Variants in HSPA8 observed in about 807,000 individuals in gnomAD.
HSPA8 encodes the protein heat shock cognate 71 kDa protein.
HSPA8 carries 2 observed loss-of-function variants against 52.8 expected under a neutral mutation model. The ratio of observed to expected loss-of-function variants is 0.04; its 90% CI spans 0.02 to 0.12. The LOEUF (loss-of-function observed/expected upper bound fraction) is 0.12, where lower values mean the gene tolerates loss of function less well. Ranked by LOEUF, HSPA8 falls within the 10% of genes least tolerant of loss-of-function variation. The probability of loss-of-function intolerance (pLI) is 1.00; values close to 1 mark genes in which losing one functional copy is unlikely to be tolerated. For missense variants in HSPA8, 349 were observed against 800.5 expected, an observed-to-expected ratio of 0.44 and a Z score of 6.81; for synonymous variants, 436 against 274.0, an observed-to-expected ratio of 1.59 and a Z score of -5.84.
chr11:123,058,009 C>T (rs561863071), intron 8 of HSPA8, 90 bp from the exon 9 acceptor site: 147 of 1,081,092 alleles, frequency 1.4e-4, no homozygotes, highest in South Asian at 1.3e-3. Context: ...AAAAGTCTGG[C>T]GCAAACTCTT....
chr11:123,061,711 A>G (rs1865509779), intron 1 of HSPA8: 1 of 270,582 alleles, frequency 3.7e-6, no homozygotes, highest in East Asian at 9.4e-5. Context: ...AGCTCTGAAG[A>G]ACCACGGTGG....
rs1181421123 is a variant in HSPA8, at chr11:123,060,282, A to C, written c.412-14T>G. 6.2e-7 allele frequency: 1 copy of C among 1,611,574 alleles called. No homozygotes were observed. Among genetic ancestry groups the C allele is most frequent in the Non-Finnish European group, 8.5e-7 (1 of 1,179,136 alleles). On this transcript the variant is annotated splice_polypyrimidine_tract_variant and intron_variant, in intron 3 of 8. Transcript: ENST00000534624. ...ATTGGTAACAGTCTAGGAATAAGGA[A>C]AAGACCACAGATTGGTAACTATTAT...
chr11:123,058,610 C>G lies in HSPA8; in HGVS notation c.1522+22G>C, dbSNP rs759731819. ...TGAAATACCATTATCCCTGTCAAGA[C>G]CAGATGACAGTGCCTCCTTACCCTT... On this transcript the variant is annotated intron_variant, in intron 7 of 8. Transcript: ENST00000534624. The G allele has an allele frequency of 6.9e-6, 11 of 1,598,526 alleles. No homozygotes were observed. The Admixed American group carries it at 1.7e-4, about 24-fold the overall frequency.
chr11:123,060,522 C>T, intron 3 of HSPA8, 71 bp downstream of exon 3: 1 of 1,199,536 alleles, frequency 8.3e-7, no homozygotes, highest in Non-Finnish European at 1.2e-6. Context: ...TCGCCAGGTG[C>T]CAGTGCCCCC....
At position 123,059,342 on chromosome 11, in the gene HSPA8, G is replaced by C. The variant is rs557485555; in HGVS notation, c.1121-81C>G. 2.4e-5 allele frequency: 34 copies of C among 1,389,322 alleles called. No individual in the cohort carries two copies. In the South Asian group the frequency reaches 3.6e-4, roughly 15 times the overall value. The allele number at this position is 1,389,322 out of a possible 1,614,324, so 86.1% of individuals were successfully genotyped here. A position where few individuals can be genotyped will look rare whatever the true frequency, so the allele number is the denominator to read the frequency against. On this transcript the variant is annotated intron_variant, in intron 5 of 8. Coordinates refer to ENST00000534624, the MANE Select transcript of HSPA8 (RefSeq NM_006597.6). ...TCCTGTTTTAACTATCACTCGCTCAGACATCCAAGGAAGGTGTTGCCATCA... is the reference window on the plus strand; with the variant it reads ...TCCTGTTTTAACTATCACTCGCTCACACATCCAAGGAAGGTGTTGCCATCA...
At chr11:123,061,772 C>G (rs946950258) in intron 1 of HSPA8, 4 of 165,768 alleles carry the variant, frequency 2.4e-5, no homozygotes, top group African/African-American at 9.6e-5. Flanking sequence ...CTCCACTTCC[C>G]CGCGCGCCAG....
upstream of HSPA8, chr11:123,062,422 A>G (rs1176109084): frequency 6.6e-6 from 1 of 152,300 alleles, no homozygotes; most frequent in Non-Finnish European, 1.5e-5. Flanking sequence ...GGGCGCAGCG[A>G]GTCCGCGCGC....
At chr11:123,058,929 G>A in intron 6 of HSPA8, 99 bp from the exon 7 acceptor site, 4 of 1,396,206 alleles carry the variant, frequency 2.9e-6, no homozygotes, top group Non-Finnish European at 3.0e-6. Flanking sequence ...ATCCAAGGAA[G>A]GAACTGGCCA....
At position 123,061,414 on chromosome 11, in the gene HSPA8, AC is replaced by A; in HGVS notation, c.-5-86del. On this transcript the variant is annotated intron_variant, in intron 1 of 8. Transcript: ENST00000534624. ...TTAACAGAACACTTAACCAGGAAAAACGTATGGCCACTGCCAAGAGGTAATA... is the reference window on the plus strand; with the variant it reads ...TTAACAGAACACTTAACCAGGAAAAAGTATGGCCACTGCCAAGAGGTAATA... 3 of 1,032,202 alleles carry A rather than the reference AC, an allele frequency of 2.9e-6. No individual in the cohort carries two copies. In the South Asian group the frequency reaches 4.2e-5, roughly 14 times the overall value. 63.9% of individuals were successfully genotyped at this position (1,032,202 alleles called of 1,614,324 possible). A position where few individuals can be genotyped will look rare whatever the true frequency, so the allele number is the denominator to read the frequency against.
At chr11:123,061,538 G>A (rs186854134) in intron 1 of HSPA8, 47 of 591,310 alleles carry the variant, frequency 7.9e-5, no homozygotes, top group Admixed American at 2.4e-4. Context: ...CCTAGATGAA[G>A]GACCCATCTA....
intron 2 of HSPA8, 85 bp downstream of exon 2, chr11:123,061,034 CA>C (rs1865483756): frequency 8.1e-7 from 1 of 1,233,588 alleles, no homozygotes; most frequent in African/African-American, 1.5e-5. Flanking sequence ...TTTCTAAAAT[CA>C]AAAAGTTCCC....
At chr11:123,061,779 C>G (rs1044378489) in intron 1 of HSPA8, 1 of 165,490 alleles carries the variant, frequency 6.0e-6, no homozygotes, top group African/African-American at 2.4e-5. Flanking sequence ...TCCCCGCGCG[C>G]CAGGCAAACC....
intron 8 of HSPA8, 62 bp from the exon 9 acceptor site, chr11:123,057,981 C>T: frequency 2.3e-6 from 3 of 1,287,402 alleles, no homozygotes; most frequent in East Asian, 2.3e-5. Flanking sequence ...TTCTTTCTCC[C>T]TGACGCAATC....
At position 123,058,766 on chromosome 11, in the gene HSPA8, C is replaced by T; in HGVS notation, c.1388G>A (p.Gly463Asp). 1 of 1,614,056 alleles carries T rather than the reference C, an allele frequency of 6.2e-7. No individual in the cohort carries two copies. The highest frequency in any genetic ancestry group is 2.2e-5 in the East Asian group (1 of 44,878). ...NNLLGKFELTGIPPAPRGVPQ... is the reference protein window; with the variant it reads ...NNLLGKFELTDIPPAPRGVPQ... Reference sequence around the variant, plus strand: ...AACACCTCGGGGTGCAGGAGGTATGCCTGTGAGTTCAAACTTGCCAAGCAG... The same window carrying T: ...AACACCTCGGGGTGCAGGAGGTATGTCTGTGAGTTCAAACTTGCCAAGCAG... Residue 463 changes from glycine (G) to aspartate (D), a missense_variant, in exon 7 of 9, where the codon GGC becomes GAC. Transcript: ENST00000534624.
chr11:123,062,145 C>G (rs192415561), upstream of HSPA8: 1 of 152,694 alleles, frequency 6.5e-6, no homozygotes, highest in Non-Finnish European at 1.5e-5. Context: ...AGACCGGTTT[C>G]CGCCCGCCAC....
Position 123,059,855 on chromosome 11 carries a change from C to G in HSPA8, c.738G>C (p.Lys246Asn). 1.9e-6 allele frequency: 3 copies of G among 1,613,426 alleles called. No individual in the cohort carries two copies. The highest frequency in any genetic ancestry group is 2.5e-6 in the Non-Finnish European group (3 of 1,179,878). Residue 246 changes from lysine to asparagine, a missense_variant, in exon 5 of 9, where the codon AAG (lysine) becomes AAC (asparagine). By Grantham distance (94) the Lys-to-Asn change is moderately conservative (BLOSUM62 0). Coordinates refer to ENST00000534624, the MANE Select transcript of HSPA8 (RefSeq NM_006597.6). ...RMVNHFIAEF[K>N]RKHKKDISEN... ...CACTGATGTCCTTCTTATGCTTGCGCTTAAACTCAGCAATAAAATGGTTGA... is the reference window on the plus strand; with the variant it reads ...CACTGATGTCCTTCTTATGCTTGCGGTTAAACTCAGCAATAAAATGGTTGA...
chr11:123,057,949 G>T, intron 8 of HSPA8, 30 bp from the exon 9 acceptor site: 1 of 1,521,302 alleles, frequency 6.6e-7, no homozygotes, highest in Non-Finnish European at 9.0e-7. Context: ...ATTACTGCAA[G>T]TTCTTTTAAT....
intron 1 of HSPA8, chr11:123,061,573 A>C: frequency 3.6e-6 from 2 of 549,226 alleles, no homozygotes; most frequent in Non-Finnish European, 6.5e-6. Context: ...GGCGTTGCTC[A>C]ACACGTGGTC....
At chr11:123,061,407 A>C in intron 1 of HSPA8, 78 bp from the exon 2 acceptor site, 1 of 1,153,892 alleles carries the variant, frequency 8.7e-7, no homozygotes. Flanking sequence ...ACACTTAACC[A>C]GGAAAAACGT....
Sources: allele counts gnomAD v4.1 joint callset, GRCh38; gene constraint gnomAD v4.1.1; transcripts MANE v1.5; gene names NCBI Gene and HGNC (gene_info 2026-07-23, HGNC 2026-07-21).